GLIS3: variants seen among roughly 807,000 people sequenced by gnomAD.
GLIS3 encodes zinc finger protein GLIS3.
In GLIS3, 53 loss-of-function variants were observed where a neutral mutation model predicts 78.6. The ratio of observed to expected loss-of-function variants is 0.67; its 90% CI spans 0.54 to 0.85. The LOEUF is 0.85. GLIS3 is among the 40% of genes least tolerant of loss of function. The pLI is 0.00. For synonymous variants in GLIS3, 684 were observed against 509.9 expected (o/e 1.34, Z -4.60); for missense variants, 1,703 against 1,231.1 (o/e 1.38, Z -5.74).
chr9:3,834,965 C>T (rs548171740), intron 9 of GLIS3, among the ~76,000 whole-genome samples: 17 of 152,148 alleles, frequency 1.1e-4, no homozygotes, highest in Non-Finnish European at 2.1e-4. Flanking sequence ...ACCAGGGTGG[C>T]GATGTGCCCT....
chr9:4,275,526 G>A (rs768091826), intron 2 of GLIS3, among the ~76,000 whole-genome samples: 6 of 151,796 alleles, frequency 4.0e-5, no homozygotes, highest in Admixed American at 2.0e-4. Flanking sequence ...TTGGGAGGCC[G>A]AGGTGGAAGG....
At chr9:4,049,646 C>G (rs1259387779) in intron 4 of GLIS3, among the ~76,000 whole-genome samples, 2 of 152,152 alleles carry the variant, frequency 1.3e-5, no homozygotes, top group African/African-American at 4.8e-5. Flanking sequence ...GAATGACCAT[C>G]AGAGTGAACA....
intron 7 of GLIS3, 58 bp downstream of exon 7, chr9:3,898,633 C>T (rs753011920): frequency 6.2e-7 from 1 of 1,607,880 alleles, no homozygotes; most frequent in East Asian, 2.2e-5. Flanking sequence ...TCCTTTTAAC[C>T]AGAGTAAAAG....
chr9:3,919,451 T>C (rs1416849011), intron 6 of GLIS3, among the ~76,000 whole-genome samples: 1 of 151,868 alleles, frequency 6.6e-6, no homozygotes, highest in Non-Finnish European at 1.5e-5. Flanking sequence ...CATGGAGACA[T>C]ATAGGGGAAC....
At chr9:3,830,281 T>C (rs1005092213) in intron 9 of GLIS3, among the ~76,000 whole-genome samples, 2 of 152,238 alleles carry the variant, frequency 1.3e-5, no homozygotes, top group East Asian at 1.9e-4. Flanking sequence ...ACTCCTTTCA[T>C]GATGGCTTAC....
chr9:3,946,438 G>A (rs1816301054), intron 4 of GLIS3, among the ~76,000 whole-genome samples: 1 of 152,156 alleles, frequency 6.6e-6, no homozygotes, highest in Admixed American at 6.5e-5. Flanking sequence ...GGTAGGGTTG[G>A]TTACTGCTCA....
intron 2 of GLIS3, among the ~76,000 whole-genome samples, chr9:4,161,858 T>A (rs969988006): frequency 6.6e-6 from 1 of 151,688 alleles, no homozygotes; most frequent in Non-Finnish European, 1.5e-5. Context: ...TGTTTTTTTT[T>A]TTTTTCAGTA....
rs140588608 is a variant in GLIS3 at position 4,292,648 on chromosome 9, G to A, written c.-98-6125C>T. 5.0e-3 allele frequency among the ~76,000 whole-genome samples: 761 copies of A among 152,302 alleles called. 6 individuals are homozygous for A. Among genetic ancestry groups the A allele is most frequent in the African/African-American group, 0.017 (712 of 41,578 alleles). On this transcript the variant is annotated intron_variant, in intron 1 of 10. Coordinates refer to ENST00000381971, the MANE Select transcript of GLIS3 (RefSeq NM_001042413.2). ...ACTGCTATCTTTCACTGTGCAGTAAGTATCAATTGATCAATTGTGCTCAAT... is the reference window on the plus strand; with the variant it reads ...ACTGCTATCTTTCACTGTGCAGTAAATATCAATTGATCAATTGTGCTCAAT...
the GLIS3 span, among the ~76,000 whole-genome samples, chr9:4,376,694 A>G: frequency 7.6e-6 from 1 of 132,114 alleles, no homozygotes; most frequent in African/African-American, 2.6e-5. Context: ...AGCTCAACCT[A>G]TTGTAATCAA....
At chr9:4,220,459 C>A (rs188110525) in intron 2 of GLIS3, among the ~76,000 whole-genome samples, 45 of 152,290 alleles carry the variant, frequency 3.0e-4, no homozygotes, top group Non-Finnish European at 4.4e-5. Flanking sequence ...GAAGTTAACA[C>A]CACCAGCATT....
At chr9:4,028,203 C>T (rs1193881006) in intron 4 of GLIS3, among the ~76,000 whole-genome samples, 1 of 152,192 alleles carries the variant, frequency 6.6e-6, no homozygotes, top group African/African-American at 2.4e-5. Context: ...GCCTACGTAT[C>T]TTAAATTTTC....
At chr9:3,914,255 C>G (rs1035777582) in intron 6 of GLIS3, among the ~76,000 whole-genome samples, 1 of 152,142 alleles carries the variant, frequency 6.6e-6, no homozygotes, top group African/African-American at 2.4e-5. Context: ...AAGCTATCCT[C>G]CCATCTCAGC....
At chr9:4,381,296 A>G in the GLIS3 span, among the ~76,000 whole-genome samples, 2 of 152,166 alleles carry the variant, frequency 1.3e-5, no homozygotes, top group Non-Finnish European at 2.9e-5. Context: ...GAAAAGTATA[A>G]AGAATGAATT....
intron 9 of GLIS3, among the ~76,000 whole-genome samples, chr9:3,841,804 C>A (rs1818735325): frequency 2.0e-5 from 3 of 152,132 alleles, no homozygotes; most frequent in Admixed American, 2.0e-4. Flanking sequence ...AAGTATTTTG[C>A]CAACAGTAAA....
chr9:4,086,416 T>C (rs773594465), intron 4 of GLIS3, among the ~76,000 whole-genome samples: 3 of 152,230 alleles, frequency 2.0e-5, no homozygotes, highest in African/African-American at 7.2e-5. Flanking sequence ...ATGTATATCA[T>C]ACTGTGAGCT....
chr9:4,008,711 C>A (rs1821753629), intron 4 of GLIS3, among the ~76,000 whole-genome samples: 1 of 152,132 alleles, frequency 6.6e-6, no homozygotes, highest in African/African-American at 2.4e-5. Context: ...TAAAAAGAGC[C>A]ACAGGCTGGG....
the GLIS3 span, among the ~76,000 whole-genome samples, chr9:4,451,575 C>T: frequency 8.5e-5 from 13 of 152,090 alleles, no homozygotes; most frequent in Non-Finnish European, 1.8e-4. Flanking sequence ...CGCACTTACC[C>T]CAAAATTGAC....
chr9:4,268,321 C>T (rs554422105), intron 2 of GLIS3, among the ~76,000 whole-genome samples: 1 of 152,260 alleles, frequency 6.6e-6, no homozygotes, highest in African/African-American at 2.4e-5. Flanking sequence ...ATTAAAATTT[C>T]AAGTACTTAA....
chr9:3,864,485 C>T (rs754747553), intron 8 of GLIS3, among the ~76,000 whole-genome samples: 1 of 152,190 alleles, frequency 6.6e-6, no homozygotes, highest in Non-Finnish European at 1.5e-5. Flanking sequence ...CTCTTGAACA[C>T]ACCAGCAGAA....
Sources: allele counts gnomAD v4.1 joint callset (sites outside exome capture counted in the v4.1 genomes callset), GRCh38; gene constraint gnomAD v4.1.1; transcripts MANE v1.5; gene names NCBI Gene and HGNC (gene_info 2026-07-23, HGNC 2026-07-21).